GNAI3: variants seen among roughly 807,000 people sequenced by gnomAD.
The protein encoded by GNAI3 is guanine nucleotide-binding protein G(i) subunit alpha-3.
GNAI3 carries 12 observed loss-of-function variants against 41.8 expected under a neutral mutation model. The ratio of observed to expected loss-of-function variants is 0.29; its 90% CI spans 0.18 to 0.47. The LOEUF (loss-of-function observed/expected upper bound fraction) is 0.47, where lower values mean the gene tolerates loss of function less well. Ranked by LOEUF, GNAI3 falls within the 20% of genes least tolerant of loss-of-function variation. The probability of loss-of-function intolerance (pLI) is 1.00; values close to 1 mark genes in which losing one functional copy is unlikely to be tolerated. For missense variants in GNAI3, 360 were observed against 429.6 expected, an observed-to-expected ratio of 0.84 and a Z score of 1.43; for synonymous variants, 132 against 146.5, an observed-to-expected ratio of 0.90 and a Z score of 0.71.
In GNAI3 at chr1:109,589,458, A is replaced by G. The variant is rs111399646; in HGVS notation, c.874+2576A>G. On this transcript the variant is annotated intron_variant, in intron 7 of 8. Transcript: ENST00000369851. ...GACAAGTGTAGACTACTCTTGAGCA[A>G]CGTGGGTTTAAAGGGAAGGGAGAGA... 2.8e-3 allele frequency among the ~76,000 whole-genome samples: 425 copies of G among 152,278 alleles called. 2 individuals carry two copies. Among genetic ancestry groups the G allele is most frequent in the African/African-American group, 9.8e-3 (406 of 41,550 alleles).
rs77649429 is a variant in GNAI3 at position 109,559,215 on chromosome 1, T to G, written c.118+10377T>G. Among the ~76,000 whole-genome samples, 4 of 151,372 alleles carry G rather than the reference T, an allele frequency of 2.6e-5. No homozygotes were observed. The East Asian group carries it at 5.8e-4, about 22-fold the overall frequency. On this transcript the variant is annotated intron_variant, in intron 1 of 8. Coordinates refer to ENST00000369851, the MANE Select transcript of GNAI3 (RefSeq NM_006496.4). ...AAAAAAAGAAAAGAAAAAGAAAAAATGTCTAGAGCAGTCTGCACTAAATTT... is the reference window on the plus strand; with the variant it reads ...AAAAAAAGAAAAGAAAAAGAAAAAAGGTCTAGAGCAGTCTGCACTAAATTT...
In GNAI3 at chr1:109,597,718, ATTT is replaced by A. The variant is rs1298183192; in HGVS notation, c.*5397_*5399del. 2 of 152,234 alleles carry A rather than the reference ATTT, an allele frequency of 1.3e-5. No individual in the cohort carries two copies. Among genetic ancestry groups the A allele is most frequent in the Non-Finnish European group, 2.9e-5 (2 of 68,030 alleles). The allele number at this position is 152,234 out of a possible 1,614,324, so 9.4% of individuals were successfully genotyped here. A position where few individuals can be genotyped will look rare whatever the true frequency, so the allele number is the denominator to read the frequency against. ...CCTAGGATGTCCAAACATTCATTTC[ATTT>A]ATTTTACTGCATTTATTTATGCAGT... On this transcript the variant is annotated 3_prime_UTR_variant, in exon 9 of 9. Transcript: ENST00000369851.
chr1:109,594,398 A>C lies in GNAI3; in HGVS notation c.*2076A>C, dbSNP rs1649245552. ...ATTTGAATATCTATCTGATATGTTAAATTTTTAGCCCTTCTGTTAAAGAAA... is the reference window on the plus strand; with the variant it reads ...ATTTGAATATCTATCTGATATGTTACATTTTTAGCCCTTCTGTTAAAGAAA... On this transcript the variant is annotated 3_prime_UTR_variant, in exon 9 of 9. Transcript: ENST00000369851. 6.6e-6 allele frequency: 1 copy of C among 152,138 alleles called. No individual in the cohort carries two copies. Among genetic ancestry groups the C allele is most frequent in the African/African-American group, 2.4e-5 (1 of 41,414 alleles). The allele number at this position is 152,138 out of a possible 1,614,324, so 9.4% of individuals were successfully genotyped here. A position where few individuals can be genotyped will look rare whatever the true frequency, so the allele number is the denominator to read the frequency against.
chr1:109,581,927 A>G (rs1394153827), intron 4 of GNAI3, among the ~76,000 whole-genome samples: 1 of 151,724 alleles, frequency 6.6e-6, no homozygotes, highest in Non-Finnish European at 1.5e-5. Flanking sequence ...AAAAAAACCT[A>G]CTTTTGTTAA....
At chr1:109,576,225 C>T (rs956337580) in intron 3 of GNAI3, among the ~76,000 whole-genome samples, 3 of 151,602 alleles carry the variant, frequency 2.0e-5, no homozygotes, top group African/African-American at 4.8e-5. Flanking sequence ...CCTGCCACCA[C>T]GGCTGACTAA....
chr1:109,579,116 A>T (rs1254414738), intron 3 of GNAI3, 88 bp from the exon 4 acceptor site: 1 of 1,050,736 alleles, frequency 9.5e-7, no homozygotes, highest in Non-Finnish European at 1.4e-6. Flanking sequence ...TTAACATAAC[A>T]TGTAATGTGT....
intron 1 of GNAI3, among the ~76,000 whole-genome samples, chr1:109,559,910 C>A (rs1372022340): frequency 6.6e-6 from 1 of 152,136 alleles, no homozygotes; most frequent in African/African-American, 2.4e-5. Context: ...TTGATAGATA[C>A]AATGCTTTAT....
intron 5 of GNAI3, among the ~76,000 whole-genome samples, chr1:109,584,194 A>G (rs1001797234): frequency 2.6e-5 from 4 of 152,200 alleles, no homozygotes; most frequent in Non-Finnish European, 5.9e-5. Context: ...ATTACTAGAT[A>G]CCAGTTGGGG....
At chr1:109,588,760 G>T (rs1423451003) in intron 7 of GNAI3, among the ~76,000 whole-genome samples, 1 of 152,004 alleles carries the variant, frequency 6.6e-6, no homozygotes, top group Non-Finnish European at 1.5e-5. Flanking sequence ...GGGCATGGTG[G>T]TGTGCGCCTG....
intron 5 of GNAI3, among the ~76,000 whole-genome samples, chr1:109,585,743 A>G (rs568892121): frequency 4.3e-4 from 66 of 152,148 alleles, no homozygotes; most frequent in Non-Finnish European, 8.8e-4. Flanking sequence ...CTTTATCTGT[A>G]TAATTGGGAT....
intron 1 of GNAI3, among the ~76,000 whole-genome samples, chr1:109,568,410 C>T (rs1204206681): frequency 6.6e-6 from 1 of 151,902 alleles, no homozygotes; most frequent in Non-Finnish European, 1.5e-5. Context: ...GTGGTGTGCC[C>T]CTGTAGTCCC....
Position 109,548,666 on chromosome 1 carries a change from G to T in GNAI3, c.-55G>T. On this transcript the variant is annotated 5_prime_UTR_variant, in exon 1 of 9. Transcript: ENST00000369851. ...AGACGGTGCCTCAGCCTGCCGAGCC[G>T]CAGTTTCCGTGGTGTGAGTGAGTCC... The T allele has an allele frequency of 7.8e-7, 1 of 1,277,874 alleles. No homozygotes were observed. 79.2% of individuals were successfully genotyped at this position (1,277,874 alleles called of 1,614,324 possible).
At chr1:109,579,145 G>C in intron 3 of GNAI3, 59 bp from the exon 4 acceptor site, 3 of 1,368,604 alleles carry the variant, frequency 2.2e-6, no homozygotes, top group Middle Eastern at 1.8e-4. Flanking sequence ...TAAAGAGACT[G>C]TCATCAAGTC....
chr1:109,548,719 C>T lies in GNAI3; in HGVS notation c.-2C>T, dbSNP rs1393917847. ...GCCCGTGTCCCCTCTCCCGCCGCCG[C>T]CATGGGCTGCACGTTGAGCGCCGAA... On this transcript the variant is annotated 5_prime_UTR_variant, in exon 1 of 9. Coordinates refer to ENST00000369851, the MANE Select transcript of GNAI3 (RefSeq NM_006496.4). The T allele has an allele frequency of 6.2e-7, 1 of 1,609,138 alleles. No individual in the cohort carries two copies. Among genetic ancestry groups the T allele is most frequent in the Non-Finnish European group, 8.5e-7 (1 of 1,176,126 alleles).
At chr1:109,564,569 GT>G (rs1648401992) in intron 1 of GNAI3, among the ~76,000 whole-genome samples, 1 of 152,022 alleles carries the variant, frequency 6.6e-6, no homozygotes, top group African/African-American at 2.4e-5. Context: ...GGTAGCCTAG[GT>G]TTTTTTCCAC....
At position 109,565,881 on chromosome 1, in the gene GNAI3, T is replaced by C. The variant is rs1287794505; in HGVS notation, c.119-7856T>C. ...CCCCTGAGGGAGAATTACATAGATA[T>C]GGAAGGGTTTTCAGGTTGTGGCAGA... On this transcript the variant is annotated intron_variant, in intron 1 of 8. Transcript: ENST00000369851. Among the ~76,000 whole-genome samples, 4 of 152,178 alleles carry C rather than the reference T, an allele frequency of 2.6e-5. No homozygotes were observed. In the East Asian group the frequency reaches 7.7e-4, roughly 29 times the overall value.
At chr1:109,587,824 A>G (rs533817558) in intron 7 of GNAI3, among the ~76,000 whole-genome samples, 1 of 152,342 alleles carries the variant, frequency 6.6e-6, no homozygotes, top group South Asian at 2.1e-4. Flanking sequence ...GATTTGAATT[A>G]GTAAGAACTC....
chr1:109,584,831 G>T (rs1327351048), intron 5 of GNAI3, among the ~76,000 whole-genome samples: 5 of 152,224 alleles, frequency 3.3e-5, no homozygotes, highest in Non-Finnish European at 7.4e-5. Context: ...AAATGGGGGA[G>T]TAAATTGAAG....
At chr1:109,577,286 T>G (rs994702173) in intron 3 of GNAI3, among the ~76,000 whole-genome samples, 34 of 150,730 alleles carry the variant, frequency 2.3e-4, no homozygotes, top group African/African-American at 6.3e-4. Flanking sequence ...TTGTTTTTTT[T>G]TTTTTTTTGA....
Sources: allele counts gnomAD v4.1 joint callset (sites outside exome capture counted in the v4.1 genomes callset), GRCh38; gene constraint gnomAD v4.1.1; transcripts MANE v1.5; gene names NCBI Gene and HGNC (gene_info 2026-07-23, HGNC 2026-07-21).